The following TSBP1 variants were observed in gnomAD, a reference collection of about 807,000 sequenced individuals.
TSBP1 encodes testis-expressed basic protein 1.
In TSBP1, 56 loss-of-function variants were observed where a neutral mutation model predicts 68.8. The ratio of observed to expected loss-of-function variants is 0.81; its 90% CI spans 0.66 to 1.02. TSBP1 has a LOEUF of 1.02. Ranked by LOEUF, TSBP1 falls within the 50% of genes least tolerant of loss-of-function variation. TSBP1 has a pLI of 0.00. For synonymous variants in TSBP1, 171 were observed against 208.7 expected (o/e 0.82, Z 1.56); for missense variants, 502 against 641.2 (o/e 0.78, Z 2.34).
chr6:32,338,406 A>AT lies in TSBP1; in HGVS notation c.409+572dup, dbSNP rs953565471. 6.6e-5 allele frequency among the ~76,000 whole-genome samples: 10 copies of AT among 151,108 alleles called. No individual in the cohort carries two copies. Among genetic ancestry groups the AT allele is most frequent in the South Asian group, 4.2e-4 (2 of 4,768 alleles). On this transcript the variant is annotated intron_variant, in intron 11 of 22. Transcript: ENST00000612031. This position sits in a 1 kb window ranked among gnomAD's most constrained non-coding sequence, Gnocchi z 5.5. Reference sequence around the variant, plus strand: ...ATAAAAGTCATTGTTTCCATTTACCATTTTTTTTCCTTTTTAAATCAACTT... The same window carrying AT: ...ATAAAAGTCATTGTTTCCATTTACCATTTTTTTTTCCTTTTTAAATCAACTT...
In TSBP1 at chr6:32,323,135, GAC is replaced by G; in HGVS notation, c.539_540del (p.Gly180AlafsTer41). On this transcript the variant is annotated frameshift_variant and splice_region_variant, in exon 18 of 23. Coordinates refer to ENST00000612031, the Ensembl canonical transcript of TSBP1. LOFTEE classifies it high-confidence loss of function. ...TACTTACTTATGGGTGCCATGGGTGGACCTAAAAACCAAAGTAGATATTGGTG... is the reference window on the plus strand; with the variant it reads ...TACTTACTTATGGGTGCCATGGGTGGCTAAAAACCAAAGTAGATATTGGTG... The G allele has an allele frequency of 6.3e-7, 1 of 1,580,988 alleles. No individual in the cohort carries two copies. The highest frequency in any genetic ancestry group is 8.7e-7 in the Non-Finnish European group (1 of 1,152,338).
chr6:32,369,183 T>C (rs1301734863), intron 2 of TSBP1, among the ~76,000 whole-genome samples: 2 of 152,102 alleles, frequency 1.3e-5, no homozygotes, highest in East Asian at 3.8e-4. Flanking sequence ...TCTGTATTTG[T>C]CTCTTCTTAT....
chr6:32,346,411 T>G (rs959121147), intron 9 of TSBP1, among the ~76,000 whole-genome samples: 3 of 152,142 alleles, frequency 2.0e-5, no homozygotes, highest in African/African-American at 7.2e-5. Flanking sequence ...TAATCGGACG[T>G]TCCTTCCACC....
rs1322686401 is a variant in TSBP1, at chr6:32,336,606, G to T, written c.430+9C>A. The T allele has an allele frequency of 3.7e-6, 6 of 1,611,502 alleles. No homozygotes were observed. Among genetic ancestry groups the T allele is most frequent in the Non-Finnish European group, 5.1e-6 (6 of 1,178,648 alleles). The stretch of plus-strand genomic sequence containing the variant: ...GGGACCAGAGTGGAAAAACAAACTT[G>T]ATACTTACGAATAGGGGCTGTGAAT... On this transcript the variant is annotated intron_variant, in intron 12 of 22. Transcript: ENST00000612031. The surrounding 1 kb of genome is among the most constrained non-coding windows in gnomAD (Gnocchi z 5.2).
chr6:32,353,735 G>A (rs1254260483), intron 8 of TSBP1, among the ~76,000 whole-genome samples: 6 of 151,838 alleles, frequency 4.0e-5, no homozygotes, highest in Admixed American at 3.3e-4. Context: ...TAAAATCCAC[G>A]GAAAAACGAA....
intron 16 of TSBP1, 75 bp downstream of exon 17, chr6:32,330,514 A>G (rs1768852830): frequency 2.2e-6 from 3 of 1,386,754 alleles, no homozygotes; most frequent in Admixed American, 3.8e-5. Context: ...AGGGCATTTG[A>G]GACAGGGAAC....
At chr6:32,360,133 A>C (rs1772829484) in intron 6 of TSBP1, among the ~76,000 whole-genome samples, 1 of 152,044 alleles carries the variant, frequency 6.6e-6, no homozygotes, top group Admixed American at 6.6e-5. Flanking sequence ...GGTCTACATA[A>C]CGTATTTGTC....
rs1769849271 is a variant in TSBP1 at position 32,337,799 on chromosome 6, T to C, written c.410-1164A>G. Among the ~76,000 whole-genome samples the C allele has an allele frequency of 6.6e-6, 1 of 152,188 alleles. No homozygotes were observed. Among genetic ancestry groups the C allele is most frequent in the Non-Finnish European group, 1.5e-5 (1 of 68,042 alleles). On this transcript the variant is annotated intron_variant, in intron 11 of 22. Coordinates refer to ENST00000612031, the Ensembl canonical transcript of TSBP1. The surrounding 1 kb of genome is among the most constrained non-coding windows in gnomAD (Gnocchi z 5.5). ...GTATGAGCCACTGTGCTTGGCCTAA[T>C]ATGTGCTTTTATGATACCTACCCAG...
Position 32,294,052 on chromosome 6 carries a change from A to C in TSBP1, c.638-17T>G. ...TTAATATAACTGAGCATACAACAAA[A>C]GGGCGTGATTTAGATATCAAGTATT... On this transcript the variant is annotated splice_polypyrimidine_tract_variant and intron_variant, in intron 22 of 22. Coordinates refer to ENST00000612031, the Ensembl canonical transcript of TSBP1. 6.2e-7 allele frequency: 1 copy of C among 1,601,608 alleles called. No homozygotes were observed. Among genetic ancestry groups the C allele is most frequent in the Non-Finnish European group, 8.5e-7 (1 of 1,178,072 alleles).
chr6:32,363,385 G>A (rs1411238282), intron 6 of TSBP1, among the ~76,000 whole-genome samples: 2 of 152,012 alleles, frequency 1.3e-5, no homozygotes, highest in Non-Finnish European at 2.9e-5. Flanking sequence ...ATTATTGATA[G>A]TTAAGGACTT....
In TSBP1 at chr6:32,343,946, G is replaced by T. The variant is rs932916406; in HGVS notation, c.350-4308C>A. On this transcript the variant is annotated intron_variant, in intron 9 of 22. Coordinates refer to ENST00000612031, the Ensembl canonical transcript of TSBP1. This position sits in a 1 kb window ranked among gnomAD's most constrained non-coding sequence, Gnocchi z 4.3. ...ATGATATTAACTTTGATAGTAATTTGTACAAGCTACCATAGAATGAACCCT... is the reference window on the plus strand; with the variant it reads ...ATGATATTAACTTTGATAGTAATTTTTACAAGCTACCATAGAATGAACCCT... Among the ~76,000 whole-genome samples the T allele has an allele frequency of 6.6e-6, 1 of 150,716 alleles. No homozygotes were observed. The highest frequency in any genetic ancestry group is 1.9e-4 in the East Asian group (1 of 5,182).
Position 32,302,400 on chromosome 6 carries a change from A to T in TSBP1, c.601+209T>A, listed in dbSNP as rs1230112775. ...AGCCCAGGAGTGGAGGTTGTAGTGAACTATGATCACACCACTGCACTCCAG... is the reference window on the plus strand; with the variant it reads ...AGCCCAGGAGTGGAGGTTGTAGTGATCTATGATCACACCACTGCACTCCAG... On this transcript the variant is annotated intron_variant, in intron 20 of 22. Coordinates refer to ENST00000612031, the Ensembl canonical transcript of TSBP1. This position sits in a 1 kb window ranked among gnomAD's most constrained non-coding sequence, Gnocchi z 5.1. Among the ~76,000 whole-genome samples, 1 of 152,084 alleles carries T rather than the reference A, an allele frequency of 6.6e-6. No individual in the cohort carries two copies. The highest frequency in any genetic ancestry group is 1.5e-5 in the Non-Finnish European group (1 of 68,000).
intron 9 of TSBP1, among the ~76,000 whole-genome samples, chr6:32,344,353 AT>A (rs200256564): frequency 0.038 from 5,676 of 149,270 alleles, 320 homozygotes; most frequent in African/African-American, 0.12. Flanking sequence ...ATGAGGCTAA[AT>A]TCACAAACTA....
Position 32,338,837 on chromosome 6 carries a change from T to C in TSBP1, c.409+142A>G, listed in dbSNP as rs930300246. The C allele has an allele frequency of 1.3e-5, 9 of 706,054 alleles. No individual in the cohort carries two copies. In the South Asian group the frequency reaches 1.5e-4, roughly 11 times the overall value. The allele number at this position is 706,054 out of a possible 1,614,324, so 43.7% of individuals were successfully genotyped here. ...ACAGAGGCACCCCAGTTTATTAAGA[T>C]AAGAATAGGGAATAAACAAGGGGAA... On this transcript the variant is annotated intron_variant, in intron 11 of 22. Coordinates refer to ENST00000612031, the Ensembl canonical transcript of TSBP1. The surrounding 1 kb of genome is among the most constrained non-coding windows in gnomAD (Gnocchi z 5.5).
At position 32,337,733 on chromosome 6, in the gene TSBP1, T is replaced by G. The variant is rs1769843276; in HGVS notation, c.410-1098A>C. 6.6e-6 allele frequency among the ~76,000 whole-genome samples: 1 copy of G among 152,052 alleles called. No homozygotes were observed. Among genetic ancestry groups the G allele is most frequent in the Non-Finnish European group, 1.5e-5 (1 of 68,002 alleles). ...CTCTCTACACCTCATAGGCTATAAG[T>G]GATTCTCTCACCTTGGCCTCCCAAA... On this transcript the variant is annotated intron_variant, in intron 11 of 22. Coordinates refer to ENST00000612031, the Ensembl canonical transcript of TSBP1. The surrounding 1 kb of genome is among the most constrained non-coding windows in gnomAD (Gnocchi z 5.5).
rs938831517 is a variant in TSBP1, at chr6:32,333,377, T to A, written c.473-1323A>T. Among the ~76,000 whole-genome samples, 2 of 152,130 alleles carry A rather than the reference T, an allele frequency of 1.3e-5. No individual in the cohort carries two copies. Among genetic ancestry groups the A allele is most frequent in the Non-Finnish European group, 2.9e-5 (2 of 68,028 alleles). ...TAGACTGCATCTGAACTGGGAGAAT[T>A]GTAAATATGTATTAAGAAGCCATAA... is the stretch of plus-strand genomic sequence containing the variant. On this transcript the variant is annotated intron_variant, in intron 14 of 22. Coordinates refer to ENST00000612031, the Ensembl canonical transcript of TSBP1. The surrounding 1 kb of genome is among the most constrained non-coding windows in gnomAD (Gnocchi z 4.2).
At chr6:32,299,818 G>T (rs1765099414) in intron 22 of TSBP1, 104 bp downstream of exon 25, 7 of 881,342 alleles carry the variant, frequency 7.9e-6, no homozygotes, top group East Asian at 2.4e-5. Context: ...ATTCAAATTG[G>T]CCTTAGAAGC....
rs1437837301 is a variant in TSBP1 at position 32,361,719 on chromosome 6, A to G, written c.217+4448T>C. Among the ~76,000 whole-genome samples, 2 of 152,186 alleles carry G rather than the reference A, an allele frequency of 1.3e-5. No individual in the cohort carries two copies. The highest frequency in any genetic ancestry group is 1.3e-4 in the Admixed American group (2 of 15,284). On this transcript the variant is annotated intron_variant, in intron 6 of 22. Coordinates refer to ENST00000612031, the Ensembl canonical transcript of TSBP1. This position sits in a 1 kb window ranked among gnomAD's most constrained non-coding sequence, Gnocchi z 4.3. ...CATGGACTAAGGTTCATGAACAGAT[A>G]TGAACCTTAGTCCATTTTAAAATCA...
At position 32,335,544 on chromosome 6, in the gene TSBP1, C is replaced by A; in HGVS notation, c.452-87G>T. The A allele has an allele frequency of 9.9e-7, 1 of 1,008,192 alleles. No individual in the cohort carries two copies. Among genetic ancestry groups the A allele is most frequent in the Non-Finnish European group, 1.3e-6 (1 of 769,594 alleles). 62.5% of individuals were successfully genotyped at this position (1,008,192 alleles called of 1,614,324 possible). ...TATATACTTTAATTTGTATACTTTC[C>A]CTAGTAGGAATCTGCATCACTATTG... is the stretch of plus-strand genomic sequence containing the variant. On this transcript the variant is annotated intron_variant, in intron 13 of 22. Transcript: ENST00000612031. This position sits in a 1 kb window ranked among gnomAD's most constrained non-coding sequence, Gnocchi z 5.5.
Sources: allele counts gnomAD v4.1 joint callset (sites outside exome capture counted in the v4.1 genomes callset), GRCh38; gene constraint gnomAD v4.1.1; non-coding constraint Gnocchi (gnomAD v3.1); transcripts MANE v1.5; gene names NCBI Gene and HGNC (gene_info 2026-07-23, HGNC 2026-07-21).